Variants in LRRC8D observed in about 807,000 individuals in gnomAD.
LRRC8D encodes the protein leucine rich repeat containing 8 VRAC subunit D, also known as volume-regulated anion channel subunit LRRC8D.
In LRRC8D, 20 loss-of-function variants were observed where a neutral mutation model predicts 55.8. The observed-to-expected ratio is 0.36, with a 90% CI of 0.25 to 0.52. The LOEUF (loss-of-function observed/expected upper bound fraction) is 0.52. LRRC8D is among the 20% of genes least tolerant of loss of function. The pLI, the probability that LRRC8D is intolerant of heterozygous loss-of-function variation, is 0.93. For synonymous variants in LRRC8D, 352 were observed against 377.0 expected, an observed-to-expected ratio of 0.93 and a Z score of 0.77; for missense variants, 651 against 1,030.8, an observed-to-expected ratio of 0.63 and a Z score of 5.05.
At chr1:89,839,038 A>G (rs1661071098) in intron 1 of LRRC8D, among the ~76,000 whole-genome samples, 2 of 152,230 alleles carry the variant, frequency 1.3e-5, no homozygotes, top group Non-Finnish European at 2.9e-5. Flanking sequence ...AAAGATATGT[A>G]GTGCAGAATA....
intron 2 of LRRC8D, among the ~76,000 whole-genome samples, chr1:89,844,752 A>G (rs1661230563): frequency 6.6e-6 from 1 of 152,136 alleles, no homozygotes; most frequent in Non-Finnish European, 1.5e-5. Context: ...ACTCAGATTG[A>G]CTTCTCCCCC....
At chr1:89,871,431 G>T (rs1662003663) in intron 2 of LRRC8D, among the ~76,000 whole-genome samples, 1 of 152,150 alleles carries the variant, frequency 6.6e-6, no homozygotes, top group Non-Finnish European at 1.5e-5. Flanking sequence ...TTGGGGTTCA[G>T]ATATTTAGCA....
In LRRC8D at chr1:89,934,092, A is replaced by G; in HGVS notation, c.1024A>G (p.Lys342Glu). ...CAGCTTTGAACACGTCTGCAAGCCCAAAGTTGAGCATCTGATTGGTTATGA... is the reference window on the plus strand; with the variant it reads ...CAGCTTTGAACACGTCTGCAAGCCCGAAGTTGAGCATCTGATTGGTTATGA... ...AISFEHVCKP[K>E]VEHLIGYEVF... Residue 342 changes from lysine (K) to glutamate (E), a missense_variant, in exon 3 of 3, where the codon AAA (lysine) becomes GAA (glutamate). Transcript: ENST00000337338. The surrounding 1 kb of genome is among the most constrained non-coding windows in gnomAD (Gnocchi z 5.9). 6.2e-7 allele frequency: 1 copy of G among 1,614,228 alleles called. No individual in the cohort carries two copies. The highest frequency in any genetic ancestry group is 1.3e-5 in the African/African-American group (1 of 75,066).
chr1:89,901,979 A>T (rs568235304), intron 2 of LRRC8D, among the ~76,000 whole-genome samples: 1 of 152,344 alleles, frequency 6.6e-6, no homozygotes, highest in African/African-American at 2.4e-5. Context: ...TACTGGCCTC[A>T]TGTGTGCTGC....
chr1:89,865,219 A>G (rs1486662437), intron 2 of LRRC8D, among the ~76,000 whole-genome samples: 1 of 151,994 alleles, frequency 6.6e-6, no homozygotes, highest in African/African-American at 2.4e-5. Flanking sequence ...TACTTGTAGT[A>G]GTGCTTAGCA....
At chr1:89,917,596 A>G (rs957714108) in intron 2 of LRRC8D, among the ~76,000 whole-genome samples, 3 of 151,570 alleles carry the variant, frequency 2.0e-5, no homozygotes, top group African/African-American at 7.3e-5. Context: ...ATACTCCTAT[A>G]CTCTTTCTTC....
At chr1:89,852,484 C>A in intron 2 of LRRC8D, among the ~76,000 whole-genome samples, 1 of 152,148 alleles carries the variant, frequency 6.6e-6, no homozygotes, top group African/African-American at 2.4e-5. Context: ...GTCATCCCCA[C>A]CTCCTGTGTA....
chr1:89,871,622 C>G (rs17130907), intron 2 of LRRC8D, among the ~76,000 whole-genome samples: 1,625 of 152,188 alleles, frequency 0.011, 34 homozygotes, highest in African/African-American at 0.037. Context: ...ACTCTTGTTT[C>G]TTTCTACTGT....
chr1:89,921,507 T>A (rs900299380), intron 2 of LRRC8D, among the ~76,000 whole-genome samples: 2 of 152,024 alleles, frequency 1.3e-5, no homozygotes, highest in African/African-American at 4.8e-5. Flanking sequence ...GCAGATAAAC[T>A]TTTAAAGGTT....
intron 1 of LRRC8D, among the ~76,000 whole-genome samples, chr1:89,834,978 A>G (rs1351988030): frequency 6.6e-6 from 1 of 152,226 alleles, no homozygotes. Flanking sequence ...TTGCCTTTGA[A>G]TAAAGGTTAT....
At chr1:89,906,037 C>T (rs779029309) in intron 2 of LRRC8D, among the ~76,000 whole-genome samples, 3 of 152,188 alleles carry the variant, frequency 2.0e-5, no homozygotes, top group Non-Finnish European at 4.4e-5. Context: ...TGTCCTTCTT[C>T]GCAGCTTTAG....
At chr1:89,870,804 CA>C (rs1384621034) in intron 2 of LRRC8D, among the ~76,000 whole-genome samples, 2 of 152,100 alleles carry the variant, frequency 1.3e-5, no homozygotes, top group Non-Finnish European at 2.9e-5. Context: ...AGGCAGTGAC[CA>C]GGGGTACTTG....
At chr1:89,895,466 G>C (rs1662682886) in intron 2 of LRRC8D, among the ~76,000 whole-genome samples, 1 of 151,502 alleles carries the variant, frequency 6.6e-6, no homozygotes, top group Non-Finnish European at 1.5e-5. Flanking sequence ...TCAAAACACT[G>C]TGTGTAAATA....
At chr1:89,898,043 A>G (rs1163874636) in intron 2 of LRRC8D, among the ~76,000 whole-genome samples, 1 of 152,204 alleles carries the variant, frequency 6.6e-6, no homozygotes, top group African/African-American at 2.4e-5. Flanking sequence ...CTGAATAAAG[A>G]TGTCTCTGAT....
intron 2 of LRRC8D, among the ~76,000 whole-genome samples, chr1:89,909,727 G>A (rs993975859): frequency 1.3e-5 from 2 of 151,968 alleles, no homozygotes; most frequent in African/African-American, 4.8e-5. Context: ...TTAGCCAAGC[G>A]TGGTGGCGGG....
chr1:89,829,845 C>G (rs554257190), intron 1 of LRRC8D, among the ~76,000 whole-genome samples: 4 of 152,204 alleles, frequency 2.6e-5, no homozygotes, highest in Admixed American at 1.3e-4. Flanking sequence ...TTCTCTAGCC[C>G]TGTTCTCTTT....
chr1:89,922,760 T>C (rs1370774563), intron 2 of LRRC8D, among the ~76,000 whole-genome samples: 2 of 152,238 alleles, frequency 1.3e-5, no homozygotes, highest in African/African-American at 2.4e-5. Context: ...ATAGTTACAA[T>C]AGGCTACAAT....
intron 2 of LRRC8D, among the ~76,000 whole-genome samples, chr1:89,900,409 A>T (rs1289408758): frequency 6.6e-6 from 1 of 150,534 alleles, no homozygotes; most frequent in Non-Finnish European, 1.5e-5. Flanking sequence ...TTAAAAAGTC[A>T]TCGTCTGTTT....
At chr1:89,922,146 C>T (rs532757447) in intron 2 of LRRC8D, among the ~76,000 whole-genome samples, 1 of 152,178 alleles carries the variant, frequency 6.6e-6, no homozygotes, top group South Asian at 2.1e-4. Context: ...TCGCTGAAAC[C>T]TCCGCCTCTC....
Sources: allele counts gnomAD v4.1 joint callset (sites outside exome capture counted in the v4.1 genomes callset), GRCh38; gene constraint gnomAD v4.1.1; non-coding constraint Gnocchi (gnomAD v3.1); transcripts MANE v1.5; gene names NCBI Gene and HGNC (gene_info 2026-07-23, HGNC 2026-07-21).